The following SLC13A3 variants were observed in gnomAD, a reference collection of about 807,000 sequenced individuals.
The protein encoded by SLC13A3 is solute carrier family 13 member 3.
SLC13A3 carries 40 observed loss-of-function variants against 59.0 expected under a neutral mutation model. That is an observed-to-expected ratio of 0.68 (90% CI 0.53 to 0.88). The LOEUF (loss-of-function observed/expected upper bound fraction) is 0.88. Among genes scored for constraint, SLC13A3 ranks in the 40% least tolerant of loss-of-function variants. The pLI is 0.00. For synonymous variants in SLC13A3, 317 were observed against 330.3 expected, an observed-to-expected ratio of 0.96 and a Z score of 0.44; for missense variants, 699 against 783.2, an observed-to-expected ratio of 0.89 and a Z score of 1.28.
At chr20:46,577,051 G>T (rs1600508190) in intron 9 of SLC13A3, among the ~76,000 whole-genome samples, 1 of 87,670 alleles carries the variant, frequency 1.1e-5, no homozygotes, top group Admixed American at 1.3e-4. Context: ...AAGCCCACAG[G>T]TGTATGCAGT....
At chr20:46,600,306 A>G (rs201784395) in intron 3 of SLC13A3, among the ~76,000 whole-genome samples, 16 of 61,854 alleles carry the variant, frequency 2.6e-4, no homozygotes, top group African/African-American at 1.5e-3. Context: ...AAAGAAAGAA[A>G]GAAAGAGGGA....
chr20:46,615,254 G>A (rs552877628), intron 1 of SLC13A3, among the ~76,000 whole-genome samples: 5 of 152,278 alleles, frequency 3.3e-5, no homozygotes, highest in Admixed American at 3.3e-4. Flanking sequence ...CCTGTCTGGA[G>A]CCATCTTATG....
At chr20:46,632,464 G>GA (rs776435292) in intron 1 of SLC13A3, among the ~76,000 whole-genome samples, 14,861 of 138,896 alleles carry the variant, frequency 0.11, 962 homozygotes, top group East Asian at 0.21. Flanking sequence ...CCCCCAAGGG[G>GA]GAAAAAAAAA....
chr20:46,665,265 C>CAA lies in SLC13A3; in HGVS notation c.-31+4776_-31+4777dup, dbSNP rs77642674. Reference sequence around the variant, plus strand: ...TGGGCAATAGAATGAGACACTGTCTCAAAAAAAAAAAAAAGTATGTGTAAT... The same window carrying CAA: ...TGGGCAATAGAATGAGACACTGTCTCAAAAAAAAAAAAAAAAGTATGTGTAAT... On this transcript the variant is annotated intron_variant, in intron 1 of 12. Coordinates refer to the SLC13A3 transcript ENST00000290317. Among the ~76,000 whole-genome samples, 40 of 126,482 alleles carry CAA rather than the reference C, an allele frequency of 3.2e-4. No individual in the cohort carries two copies. In the East Asian group the frequency reaches 7.1e-3, roughly 22 times the overall value. 83.0% of individuals were successfully genotyped at this position (126,482 alleles called of 152,430 possible).
intron 3 of SLC13A3, among the ~76,000 whole-genome samples, chr20:46,605,167 C>A (rs1480515694): frequency 6.6e-6 from 1 of 152,198 alleles, no homozygotes; most frequent in African/African-American, 2.4e-5. Context: ...TTAGCTTTAT[C>A]ATATAAGATC....
At chr20:46,614,468 G>C (rs1729892682) in intron 1 of SLC13A3, among the ~76,000 whole-genome samples, 1 of 152,222 alleles carries the variant, frequency 6.6e-6, no homozygotes, top group African/African-American at 2.4e-5. Context: ...CCATCTCAGA[G>C]GCAGTAGGAA....
rs1609535 is a variant in SLC13A3, at chr20:46,648,940, C to T, written c.111+2371G>A. On this transcript the variant is annotated intron_variant, in intron 1 of 12. Coordinates refer to ENST00000279027, the MANE Select transcript of SLC13A3 (RefSeq NM_022829.6). ...TCACACACACACACACACACACACA[C>T]ATACACACACACACACACACACACA... Among the ~76,000 whole-genome samples, 286 of 137,136 alleles carry T rather than the reference C, an allele frequency of 2.1e-3. 2 individuals are homozygous for T. Among genetic ancestry groups the T allele is most frequent in the African/African-American group, 7.8e-3 (238 of 30,468 alleles). 90.0% of individuals were successfully genotyped at this position (137,136 alleles called of 152,430 possible). A position where few individuals can be genotyped will look rare whatever the true frequency, so the allele number is the denominator to read the frequency against.
At chr20:46,671,355 A>C (rs2063090429), upstream of SLC13A3, among the ~76,000 whole-genome samples, 2 of 151,656 alleles carry the variant, frequency 1.3e-5, no homozygotes, top group Admixed American at 1.3e-4. Context: ...ATCTCCCTTC[A>C]CCCTATATTT....
chr20:46,573,009 G>A (rs2062043946), intron 10 of SLC13A3, among the ~76,000 whole-genome samples: 1 of 152,114 alleles, frequency 6.6e-6, no homozygotes, highest in South Asian at 2.1e-4. Flanking sequence ...TGCTACTAAT[G>A]AGCTGTGTTA....
chr20:46,607,605 A>C (rs546359608), intron 3 of SLC13A3, among the ~76,000 whole-genome samples: 2 of 152,326 alleles, frequency 1.3e-5, no homozygotes, highest in South Asian at 2.1e-4. Context: ...TCTGGACTTC[A>C]ATGCATGGCC....
chr20:46,646,097 A>G (rs2062891719), intron 1 of SLC13A3, among the ~76,000 whole-genome samples: 1 of 152,142 alleles, frequency 6.6e-6, no homozygotes, highest in Non-Finnish European at 1.5e-5. Context: ...ATAGAAGGTA[A>G]AATCAGCAGG....
rs118150396 is a variant in SLC13A3 at position 46,638,271 on chromosome 20, C to T, written c.111+13040G>A. Among the ~76,000 whole-genome samples the T allele has an allele frequency of 1.9e-3, 282 of 152,288 alleles. 1 individual carries two copies. In the East Asian group the frequency reaches 0.029, roughly 16 times the overall value. On this transcript the variant is annotated intron_variant, in intron 1 of 12. Coordinates refer to ENST00000279027, the MANE Select transcript of SLC13A3 (RefSeq NM_022829.6). ...CCAGCCCTTTCCAGAGAATTCTGAG[C>T]GGGGCCACAGGCTGGGGCAGGGATT...
chr20:46,634,150 C>T (rs1009413811), intron 1 of SLC13A3, among the ~76,000 whole-genome samples: 9 of 152,156 alleles, frequency 5.9e-5, no homozygotes, highest in Non-Finnish European at 1.0e-4. Context: ...TTCAGCTCTT[C>T]CCAGGCTCTG....
upstream of SLC13A3, among the ~76,000 whole-genome samples, chr20:46,672,268 C>T (rs2063097278): frequency 1.3e-5 from 2 of 152,268 alleles, no homozygotes; most frequent in Admixed American, 1.3e-4. Flanking sequence ...TGGTAACCCT[C>T]ACCAGAAGGC....
intron 8 of SLC13A3, among the ~76,000 whole-genome samples, chr20:46,587,776 C>T (rs6094388): frequency 0.028 from 4,256 of 152,268 alleles, 198 homozygotes; most frequent in African/African-American, 0.096. Flanking sequence ...AATGAATGAA[C>T]GATTTGCTCA....
At chr20:46,641,042 C>T (rs539852855) in intron 1 of SLC13A3, among the ~76,000 whole-genome samples, 9 of 152,140 alleles carry the variant, frequency 5.9e-5, no homozygotes, top group Admixed American at 5.2e-4. Flanking sequence ...TGGGTCAAAC[C>T]GGGTAGGGAG....
chr20:46,565,137 C>T (rs1325516404), intron 11 of SLC13A3, among the ~76,000 whole-genome samples: 1 of 152,194 alleles, frequency 6.6e-6, no homozygotes, highest in African/African-American at 2.4e-5. Context: ...CTTTTTAAAA[C>T]TCCTAGTATA....
At chr20:46,584,485 C>T (rs1049632586) in intron 8 of SLC13A3, 38 of 985,308 alleles carry the variant, frequency 3.9e-5, no homozygotes, top group Non-Finnish European at 4.0e-5. Context: ...GAGCTCACTG[C>T]TAACCAAAGC....
intron 10 of SLC13A3, among the ~76,000 whole-genome samples, chr20:46,569,506 T>C (rs975824029): frequency 6.6e-6 from 1 of 152,016 alleles, no homozygotes; most frequent in African/African-American, 2.4e-5. Flanking sequence ...ACTTAACCTC[T>C]CTGTGCTAAA....
Sources: gnomAD v4.1 joint callset for allele counts (sites outside exome capture counted in the v4.1 genomes callset) on GRCh38, gnomAD v4.1.1 for gene constraint, MANE v1.5 for transcripts, NCBI Gene and HGNC (gene_info 2026-07-23, HGNC 2026-07-21) for gene names.